Variants in CLCN3 observed in about 807,000 individuals in gnomAD.
CLCN3 encodes H(+)/Cl(-) exchange transporter 3.
In CLCN3, 16 loss-of-function variants were observed where a neutral mutation model predicts 83.4. The ratio of observed to expected loss-of-function variants is 0.19; its 90% CI spans 0.13 to 0.29. The LOEUF is 0.29. Ranked by LOEUF, CLCN3 falls within the 10% of genes least tolerant of loss-of-function variation. CLCN3 has a pLI of 1.00. For missense variants in CLCN3, 544 were observed against 1,006.0 expected (o/e 0.54, Z 6.21); for synonymous variants, 322 against 346.2 (o/e 0.93, Z 0.78).
At chr4:169,640,531 C>T (rs17055061) in intron 2 of CLCN3, among the ~76,000 whole-genome samples, 8,111 of 152,210 alleles carry the variant, frequency 0.053, 208 homozygotes, top group African/African-American at 0.068. Context: ...TCAGAAATGT[C>T]AGCTAGCAAA....
chr4:169,660,332 T>G, intron 2 of CLCN3: 1 of 1,376,788 alleles, frequency 7.3e-7, no homozygotes, highest in Non-Finnish European at 9.3e-7. Context: ...GCAAGCTTTT[T>G]CTTTTTCTTT....
intron 2 of CLCN3, among the ~76,000 whole-genome samples, chr4:169,673,226 A>G (rs1313295915): frequency 1.3e-5 from 2 of 152,224 alleles, no homozygotes; most frequent in Non-Finnish European, 2.9e-5. Flanking sequence ...TACTAAAGTA[A>G]ATGTTTGAAT....
At chr4:169,664,495 C>T (rs965802840) in intron 2 of CLCN3, among the ~76,000 whole-genome samples, 4 of 151,998 alleles carry the variant, frequency 2.6e-5, no homozygotes, top group African/African-American at 9.7e-5. Context: ...GATTCAGATA[C>T]TTATTATATT....
chr4:169,687,744 A>G lies in CLCN3; in HGVS notation c.405A>G (p.Thr135=), dbSNP rs953684184. The G allele has an allele frequency of 6.3e-7, 1 of 1,578,084 alleles. No individual in the cohort carries two copies. The highest frequency in any genetic ancestry group is 1.2e-5 in the South Asian group (1 of 86,008). The change falls in exon 4 of 13, where the codon ACA becomes ACG. Residue 135 remains threonine, a synonymous_variant. Transcript: ENST00000513761. The part of the protein sequence containing the change: ...AWSGWLVVTL[T]GLASGALAGL... ...CAGGATGGCTAGTAGTAACACTAAC[A>G]GGATTGGCATCAGGTAAAGAAAATT... is the stretch of plus-strand genomic sequence containing the variant.
intron 5 of CLCN3, 148 bp from the exon 6 acceptor site, chr4:169,690,382 G>A: frequency 1.4e-6 from 1 of 705,808 alleles, no homozygotes; most frequent in Non-Finnish European, 2.2e-6. Flanking sequence ...CTGACCTCAG[G>A]TGATCCACCC....
chr4:169,637,209 G>C (rs1047363266), intron 2 of CLCN3, among the ~76,000 whole-genome samples: 2 of 152,038 alleles, frequency 1.3e-5, no homozygotes, highest in Admixed American at 1.3e-4. Context: ...TTTTATAGGA[G>C]TTCATTATGC....
At chr4:169,642,262 C>T (rs903605060) in intron 2 of CLCN3, among the ~76,000 whole-genome samples, 1 of 151,916 alleles carries the variant, frequency 6.6e-6, no homozygotes, top group Non-Finnish European at 1.5e-5. Flanking sequence ...GAGGAGACTA[C>T]AAATTTGCCT....
chr4:169,665,783 G>A (rs1338760144), intron 2 of CLCN3, among the ~76,000 whole-genome samples: 3 of 152,086 alleles, frequency 2.0e-5, no homozygotes, highest in African/African-American at 4.8e-5. Context: ...CTTAAATGAC[G>A]AGGATCACCA....
At chr4:169,626,362 G>A (rs1294018683) in intron 1 of CLCN3, among the ~76,000 whole-genome samples, 1 of 152,186 alleles carries the variant, frequency 6.6e-6, no homozygotes, top group Admixed American at 6.5e-5. Context: ...GGGTTTTTAT[G>A]GAGGCTTCAT....
At chr4:169,707,840 A>C (rs1192367755) in intron 11 of CLCN3, among the ~76,000 whole-genome samples, 1 of 152,220 alleles carries the variant, frequency 6.6e-6, no homozygotes, top group Non-Finnish European at 1.5e-5. Context: ...TGTTTTATGC[A>C]GACTTTCCTG....
intron 9 of CLCN3, among the ~76,000 whole-genome samples, chr4:169,701,331 G>A (rs1204490600): frequency 1.3e-5 from 2 of 152,104 alleles, no homozygotes; most frequent in African/African-American, 4.8e-5. Flanking sequence ...TATCATTCTA[G>A]TTCTCTTGCT....
intron 9 of CLCN3, among the ~76,000 whole-genome samples, chr4:169,700,281 A>C (rs533569080): frequency 5.9e-5 from 9 of 152,300 alleles, no homozygotes; most frequent in Middle Eastern, 3.4e-3. Context: ...TTTTTGAGAC[A>C]GGATCTCGCC....
intron 2 of CLCN3, among the ~76,000 whole-genome samples, chr4:169,666,103 G>C (rs966776821): frequency 6.6e-6 from 1 of 151,202 alleles, no homozygotes; most frequent in Non-Finnish European, 1.5e-5. Flanking sequence ...TTCAGTGTTT[G>C]TCAAACTTCA....
At chr4:169,669,195 T>C (rs186675028) in intron 2 of CLCN3, among the ~76,000 whole-genome samples, 2 of 152,310 alleles carry the variant, frequency 1.3e-5, no homozygotes, top group East Asian at 3.9e-4. Flanking sequence ...GGATATCTGG[T>C]AGTGGGGTTG....
At position 169,707,280 on chromosome 4, in the gene CLCN3, AAT is replaced by A; in HGVS notation, c.2149+23_2149+24del. On this transcript the variant is annotated intron_variant, in intron 11 of 12. Transcript: ENST00000513761. ...CAATTGCAATAGGTACCCTTTCAAA[AAT>A]ATATATATGTATATATGAGATGGAT... 1.9e-6 allele frequency: 3 copies of A among 1,558,620 alleles called. No homozygotes were observed. The highest frequency in any genetic ancestry group is 2.6e-6 in the Non-Finnish European group (3 of 1,150,856).
intron 2 of CLCN3, among the ~76,000 whole-genome samples, chr4:169,656,349 A>G (rs1338953840): frequency 6.6e-6 from 1 of 152,190 alleles, no homozygotes; most frequent in East Asian, 1.9e-4. Flanking sequence ...CATGTCTTAC[A>G]TGGCCAGAGC....
intron 1 of CLCN3, among the ~76,000 whole-genome samples, chr4:169,631,137 G>A (rs1412038817): frequency 1.3e-5 from 2 of 152,096 alleles, no homozygotes; most frequent in African/African-American, 4.8e-5. Context: ...TTTAATAATA[G>A]CCATCCTGAC....
At position 169,642,398 on chromosome 4, in the gene CLCN3, G is replaced by T. The variant is rs941449718; in HGVS notation, c.160+6310G>T. On this transcript the variant is annotated intron_variant, in intron 2 of 12. Transcript: ENST00000513761. Reference sequence around the variant, plus strand: ...ATTACTAATATTAAGATAAATCTCCGGTGACATTATGAAGTGTTTACTAGC... The same window carrying T: ...ATTACTAATATTAAGATAAATCTCCTGTGACATTATGAAGTGTTTACTAGC... Among the ~76,000 whole-genome samples the T allele has an allele frequency of 1.3e-5, 2 of 152,080 alleles. 1 individual carries two copies. Among genetic ancestry groups the T allele is most frequent in the East Asian group, 3.8e-4 (2 of 5,198 alleles).
chr4:169,647,244 G>A (rs1158959875), intron 2 of CLCN3, among the ~76,000 whole-genome samples: 1 of 152,094 alleles, frequency 6.6e-6, no homozygotes, highest in Non-Finnish European at 1.5e-5. Context: ...AGAAAAATTA[G>A]CTGGACATGG....
Sources: allele counts gnomAD v4.1 joint callset (sites outside exome capture counted in the v4.1 genomes callset), GRCh38; gene constraint gnomAD v4.1.1; transcripts MANE v1.5; gene names NCBI Gene and HGNC (gene_info 2026-07-23, HGNC 2026-07-21).